GPC6: variants seen among roughly 807,000 people sequenced by gnomAD.
GPC6 encodes the protein glypican-6.
Under a neutral mutation model 55.2 loss-of-function variants are expected in GPC6, and 14 were observed. The observed-to-expected ratio is 0.25, with a 90% CI of 0.17 to 0.40. The LOEUF (loss-of-function observed/expected upper bound fraction) is 0.40. Among genes scored for constraint, GPC6 ranks in the 10% least tolerant of loss-of-function variants. The pLI is 1.00. For missense variants in GPC6, 641 were observed against 708.5 expected (o/e 0.90, Z 1.08); for synonymous variants, 278 against 259.6 (o/e 1.07, Z -0.68).
At chr13:93,926,866 G>A (rs78946260) in intron 3 of GPC6, among the ~76,000 whole-genome samples, 1 of 152,100 alleles carries the variant, frequency 6.6e-6, no homozygotes, top group East Asian at 1.9e-4. Flanking sequence ...AAATGTTTGA[G>A]TCACCAGAGC....
intron 4 of GPC6, among the ~76,000 whole-genome samples, chr13:94,207,066 C>T (rs1381361712): frequency 6.6e-6 from 1 of 152,078 alleles, no homozygotes; most frequent in East Asian, 1.9e-4. Context: ...ATTACCCAAC[C>T]TTAAGCTTGC....
chr13:93,928,481 T>C (rs1289100601), intron 3 of GPC6, among the ~76,000 whole-genome samples: 1 of 152,078 alleles, frequency 6.6e-6, no homozygotes, highest in Admixed American at 6.6e-5. Context: ...AGGGTGAAAC[T>C]TTATGTTTCA....
intron 1 of GPC6, among the ~76,000 whole-genome samples, chr13:93,481,140 T>G (rs1879503046): frequency 6.6e-6 from 1 of 152,194 alleles, no homozygotes; most frequent in Non-Finnish European, 1.5e-5. Context: ...GCAGTGGTCG[T>G]AAAGTGGTAT....
intron 1 of GPC6, chr13:93,450,805 G>A: frequency 8.6e-6 from 5 of 580,842 alleles, no homozygotes; most frequent in Non-Finnish European, 1.1e-5. Flanking sequence ...GCCATGACAA[G>A]GAATTTGTAT....
chr13:94,023,387 C>T (rs1882775782), intron 3 of GPC6, among the ~76,000 whole-genome samples: 1 of 151,326 alleles, frequency 6.6e-6, no homozygotes, highest in Admixed American at 6.6e-5. Context: ...AACTTAAATA[C>T]TGGTATAAAT....
intron 1 of GPC6, among the ~76,000 whole-genome samples, chr13:93,401,560 G>C (rs7335164): frequency 0.027 from 4,048 of 151,800 alleles, 185 homozygotes; most frequent in African/African-American, 0.093. Flanking sequence ...CAGACACTAG[G>C]ATCTACTCTC....
In GPC6 at chr13:93,464,073, G is replaced by T. The variant is rs867863127; in HGVS notation, c.161-81190G>T. Among the ~76,000 whole-genome samples the T allele has an allele frequency of 3.9e-5, 6 of 152,188 alleles. 1 individual carries two copies. In the Middle Eastern group the frequency reaches 0.02, roughly 518 times the overall value. On this transcript the variant is annotated intron_variant, in intron 1 of 8. Coordinates refer to ENST00000377047, the MANE Select transcript of GPC6 (RefSeq NM_005708.5). ...TGTACACTGAGTATTCAATAGTGTTGTGTCTACAACCGGTACATATCTTAA... is the reference window on the plus strand; with the variant it reads ...TGTACACTGAGTATTCAATAGTGTTTTGTCTACAACCGGTACATATCTTAA...
At chr13:94,392,841 G>T (rs866898593) in intron 7 of GPC6, among the ~76,000 whole-genome samples, 1 of 150,156 alleles carries the variant, frequency 6.7e-6, no homozygotes, top group South Asian at 2.2e-4. Context: ...TCGAACTCTC[G>T]ACCTCAGGTG....
At chr13:94,113,711 A>G (rs930961780) in intron 4 of GPC6, among the ~76,000 whole-genome samples, 1 of 152,048 alleles carries the variant, frequency 6.6e-6, no homozygotes, top group African/African-American at 2.4e-5. Flanking sequence ...AGACCGTGCT[A>G]GGTGGCCTTT....
At chr13:94,330,160 CT>C (rs1256914116) in intron 6 of GPC6, among the ~76,000 whole-genome samples, 1 of 152,224 alleles carries the variant, frequency 6.6e-6, no homozygotes, top group African/African-American at 2.4e-5. Context: ...CTTCTTCTCT[CT>C]CTCACATTAG....
intron 4 of GPC6, among the ~76,000 whole-genome samples, chr13:94,142,385 C>T (rs1887409252): frequency 6.6e-6 from 1 of 152,164 alleles, no homozygotes; most frequent in African/African-American, 2.4e-5. Context: ...TACACATACA[C>T]ACATCTTTTG....
intron 4 of GPC6, among the ~76,000 whole-genome samples, chr13:94,159,778 T>G (rs185628771): frequency 6.6e-6 from 1 of 152,198 alleles, no homozygotes; most frequent in African/African-American, 2.4e-5. Context: ...TGGTCACTAG[T>G]ACTAATTAAA....
intron 3 of GPC6, among the ~76,000 whole-genome samples, chr13:93,833,553 G>A (rs764570260): frequency 3.7e-5 from 5 of 136,842 alleles, no homozygotes; most frequent in Non-Finnish European, 7.9e-5. Context: ...CTTATCTCCT[G>A]CATCCTGATT....
intron 1 of GPC6, among the ~76,000 whole-genome samples, chr13:93,236,200 C>T (rs2139008730): frequency 6.6e-6 from 1 of 152,278 alleles, no homozygotes; most frequent in East Asian, 1.9e-4. Flanking sequence ...CATAGCATGG[C>T]TTAGCTAATC....
intron 1 of GPC6, among the ~76,000 whole-genome samples, chr13:93,368,394 T>G (rs201046476): frequency 1.7e-4 from 23 of 136,698 alleles, no homozygotes; most frequent in African/African-American, 5.7e-4. Context: ...CCTTCCGTCC[T>G]TCCTTCCTTC....
chr13:93,977,263 A>G, intron 3 of GPC6, among the ~76,000 whole-genome samples: 1 of 152,196 alleles, frequency 6.6e-6, no homozygotes, highest in East Asian at 1.9e-4. Context: ...AAATAATCCA[A>G]GGGTTCAAAT....
chr13:93,977,472 GTGT>G, intron 3 of GPC6, among the ~76,000 whole-genome samples: 1 of 19,296 alleles, frequency 5.2e-5, no homozygotes, highest in Non-Finnish European at 9.8e-5. Context: ...CAAGGGGTGT[GTGT>G]GTGTGTGTGT....
At position 93,368,390 on chromosome 13, in the gene GPC6, GTCCTTCCTTCCT is replaced by G. The variant is rs1168320888; in HGVS notation, c.160+140790_160+140801del. Among the ~76,000 whole-genome samples, 483 of 56,300 alleles carry G rather than the reference GTCCTTCCTTCCT, an allele frequency of 8.6e-3. 6 individuals are homozygous for G. The highest frequency in any genetic ancestry group is 0.023 in the African/African-American group (453 of 19,668). The allele number at this position is 56,300 out of a possible 152,430, so 36.9% of individuals were successfully genotyped here. On this transcript the variant is annotated intron_variant, in intron 1 of 8. Coordinates refer to ENST00000377047, the MANE Select transcript of GPC6 (RefSeq NM_005708.5). Reference sequence around the variant, plus strand: ...CTTCCTTCCTTCCTTCCTTCCTTCCGTCCTTCCTTCCTTCCTTCCTTCCTTCCATCCTTCCAG... The same window carrying G: ...CTTCCTTCCTTCCTTCCTTCCTTCCGTCCTTCCTTCCTTCCATCCTTCCAG...
At chr13:93,456,580 CGCAAACTGGGTGACTTA>C (rs1429617618) in intron 1 of GPC6, among the ~76,000 whole-genome samples, 1 of 151,868 alleles carries the variant, frequency 6.6e-6, no homozygotes, top group East Asian at 1.9e-4. Context: ...TACAAAGAAC[CGCAAACTGGGTGACTTA>C]GCAGAAATTA....
Sources: gnomAD v4.1 joint callset for allele counts (sites outside exome capture counted in the v4.1 genomes callset) on GRCh38, gnomAD v4.1.1 for gene constraint, MANE v1.5 for transcripts, NCBI Gene and HGNC (gene_info 2026-07-23, HGNC 2026-07-21) for gene names.